The following NOTCH2 variants were observed in gnomAD, a reference collection of about 807,000 sequenced individuals.
The protein encoded by NOTCH2 is notch receptor 2, also known as neurogenic locus notch homolog protein 2.
In NOTCH2, 29 loss-of-function variants were observed where a neutral mutation model predicts 235.8. That is an observed-to-expected ratio of 0.12 (90% CI 0.09 to 0.17). NOTCH2 has a LOEUF of 0.17. NOTCH2 is among the 10% of genes least tolerant of loss of function. NOTCH2 has a pLI of 1.00. For missense variants in NOTCH2, 2,285 were observed against 3,150.2 expected, an observed-to-expected ratio of 0.73 and a Z score of 6.57; for synonymous variants, 1,086 against 1,141.5, an observed-to-expected ratio of 0.95 and a Z score of 0.98.
At chr1:119,985,047 G>C (rs782280104) in intron 5 of NOTCH2, among the ~76,000 whole-genome samples, 1 of 152,170 alleles carries the variant, frequency 6.6e-6, no homozygotes, top group South Asian at 2.1e-4. Flanking sequence ...CAGGAAAACT[G>C]TGAGCAGAGA....
At chr1:119,939,183 C>A (rs1553196140) in intron 19 of NOTCH2, among the ~76,000 whole-genome samples, 1 of 152,076 alleles carries the variant, frequency 6.6e-6, no homozygotes. Flanking sequence ...GCAGCTCTGG[C>A]CAAAAACAGA....
chr1:120,022,890 G>A (rs1265012524), intron 2 of NOTCH2, among the ~76,000 whole-genome samples: 1 of 150,958 alleles, frequency 6.6e-6, no homozygotes, highest in Non-Finnish European at 1.5e-5. Flanking sequence ...GAGACTCAAG[G>A]TGACAGTACA....
intron 14 of NOTCH2, among the ~76,000 whole-genome samples, chr1:119,953,243 A>T (rs1220154806): frequency 6.6e-6 from 1 of 152,076 alleles, no homozygotes. Flanking sequence ...CCCGGGAGGT[A>T]GAGCTTGCAG....
intron 13 of NOTCH2, among the ~76,000 whole-genome samples, 196 bp from the exon 14 acceptor site, chr1:119,953,884 T>A (rs998448341): frequency 2.4e-4 from 37 of 152,176 alleles, no homozygotes; most frequent in Admixed American, 2.2e-3. Context: ...ACCTTCTTGG[T>A]GCTTTCCTGG....
At chr1:120,011,986 A>G (rs1212126745) in intron 2 of NOTCH2, among the ~76,000 whole-genome samples, 1 of 146,480 alleles carries the variant, frequency 6.8e-6, no homozygotes. Flanking sequence ...ACTGCACTCC[A>G]GCCTGGGCGA....
At chr1:119,988,941 G>T (rs1282571969) in intron 4 of NOTCH2, among the ~76,000 whole-genome samples, 2 of 152,182 alleles carry the variant, frequency 1.3e-5, no homozygotes, top group Non-Finnish European at 1.5e-5. Context: ...AGACAAGAAA[G>T]CAGAAGCATT....
intron 12 of NOTCH2, among the ~76,000 whole-genome samples, chr1:119,955,699 G>C (rs1197358235): frequency 6.6e-6 from 1 of 152,094 alleles, no homozygotes; most frequent in Admixed American, 6.5e-5. Flanking sequence ...TTAATGAATG[G>C]GCTAGTAACT....
At position 119,988,408 on chromosome 1, in the gene NOTCH2, C is replaced by G. The variant is rs1399570546; in HGVS notation, c.752-1326G>C. 2.6e-5 allele frequency among the ~76,000 whole-genome samples: 4 copies of G among 152,122 alleles called. No individual in the cohort carries two copies. In the East Asian group the frequency reaches 7.7e-4, roughly 29 times the overall value. ...ATTATATTTCTCCAAGTATTTGGTA[C>G]TCAGTCCATTCAAGCAGATGAATCA... is the stretch of plus-strand genomic sequence containing the variant. On this transcript the variant is annotated intron_variant, in intron 4 of 33. Coordinates refer to ENST00000256646, the MANE Select transcript of NOTCH2 (RefSeq NM_024408.4).
At chr1:119,972,851 A>G (rs1402135889) in intron 5 of NOTCH2, among the ~76,000 whole-genome samples, 1 of 152,204 alleles carries the variant, frequency 6.6e-6, no homozygotes, top group Non-Finnish European at 1.5e-5. Context: ...ACCTGAACAT[A>G]TCAAGCCATC....
intron 32 of NOTCH2, 80 bp from the exon 33 acceptor site, chr1:119,917,842 A>AC (rs1354162672): frequency 1.1e-6 from 1 of 916,724 alleles, no homozygotes; most frequent in Non-Finnish European, 1.8e-6. Flanking sequence ...ATGAAATCTT[A>AC]AACTCCCCAG....
chr1:119,948,279 C>T, intron 17 of NOTCH2, 135 bp downstream of exon 17: 1 of 894,172 alleles, frequency 1.1e-6, no homozygotes, highest in African/African-American at 1.6e-5. Flanking sequence ...TAAAACACTA[C>T]TGTTAAATAT....
chr1:119,963,460 A>C, intron 11 of NOTCH2, 114 bp downstream of exon 11: 1 of 1,001,822 alleles, frequency 1.0e-6, no homozygotes, highest in Non-Finnish European at 1.6e-6. Context: ...TGCTTCTCAG[A>C]ATCAGGACTG....
Position 119,925,586 on chromosome 1 carries a change from G to A in NOTCH2, c.4230C>T (p.Arg1410=). The A allele has an allele frequency of 6.2e-7, 1 of 1,614,170 alleles. No homozygotes were observed. The highest frequency in any genetic ancestry group is 8.5e-7 in the Non-Finnish European group (1 of 1,180,042). The part of the protein sequence containing the change: ...CQCAPPFSGS[R]CELYTAPPST... ...TGGGGGGTGCCGTGTAGAGTTCACA[G>A]CGGCTACCCGAGAATGGTGGGGCAC... The change falls in exon 25 of 34, where the codon CGC becomes CGT. Residue 1410 remains arginine, a synonymous_variant. Transcript: ENST00000256646.
intron 17 of NOTCH2, among the ~76,000 whole-genome samples, chr1:119,942,546 G>C (rs1188585767): frequency 6.6e-6 from 1 of 152,060 alleles, no homozygotes; most frequent in East Asian, 1.9e-4. Flanking sequence ...TCCCTTATAA[G>C]ACTCATCTGC....
intron 2 of NOTCH2, among the ~76,000 whole-genome samples, chr1:120,022,795 G>A (rs1389808848): frequency 6.6e-6 from 1 of 151,610 alleles, no homozygotes; most frequent in African/African-American, 2.4e-5. Context: ...ACTTTCAAAT[G>A]TTCCACACTT....
chr1:119,948,550 A>C lies in NOTCH2; in HGVS notation c.2616T>G (p.Ile872Met). 2 of 1,614,174 alleles carry C rather than the reference A, an allele frequency of 1.2e-6. No individual in the cohort carries two copies. Among genetic ancestry groups the C allele is most frequent in the Non-Finnish European group, 1.7e-6 (2 of 1,180,032 alleles). The change falls in exon 17 of 34, where the codon ATT becomes ATG. Residue 872 changes from isoleucine (I) to methionine (M), a missense_variant. This residue lies in a region of NOTCH2 where 1,173 missense variants were observed against 1,515.3 expected (regional missense o/e 0.77). Transcript: ENST00000256646. The stretch of plus-strand genomic sequence containing the variant: ...GCTTGGAGATACACTCGTCAATGTC[A>C]ATGGTACACCGCTGACCTAGGAACA... ...APGWQGQRCT[I>M]DIDECISKPC...
chr1:119,948,496 G>T lies in NOTCH2; in HGVS notation c.2670C>A (p.Asn890Lys). ...ATTCACACATGTAGCTGCCCTGGGTGTTATGGCAGAGACCATGGTTCATGC... is the reference window on the plus strand; with the variant it reads ...ATTCACACATGTAGCTGCCCTGGGTTTTATGGCAGAGACCATGGTTCATGC... ...KPCMNHGLCH[N>K]TQGSYMCECP... Residue 890 changes from asparagine (N) to lysine (K), a missense_variant, in exon 17 of 34, where the codon AAC (asparagine) becomes AAA (lysine). Transcript: ENST00000256646. 6.2e-7 allele frequency: 1 copy of T among 1,614,184 alleles called. No homozygotes were observed. The highest frequency in any genetic ancestry group is 8.5e-7 in the Non-Finnish European group (1 of 1,180,010).
At chr1:120,068,993 A>G (rs587726299) in intron 1 of NOTCH2, 4 of 1,214,990 alleles carry the variant, frequency 3.3e-6, no homozygotes, top group African/African-American at 3.2e-5. Context: ...CGACCCCAAG[A>G]AACGCGGAAC....
chr1:119,935,662 T>C lies in NOTCH2; in HGVS notation c.3523-58A>G, dbSNP rs5025718. On this transcript the variant is annotated intron_variant, in intron 21 of 33. Coordinates refer to ENST00000256646, the MANE Select transcript of NOTCH2 (RefSeq NM_024408.4). ...TTGGACCATTACTGGAAACAGACCATGAGAGCTAGTGAGATCTGGAACATT... is the reference window on the plus strand; with the variant it reads ...TTGGACCATTACTGGAAACAGACCACGAGAGCTAGTGAGATCTGGAACATT... The C allele has an allele frequency of 0.83, 1,312,847 of 1,589,842 alleles. 561,008 individuals carry two copies. Among genetic ancestry groups the C allele is most frequent in the East Asian group, 0.93 (41,532 of 44,742 alleles).
Sources: allele counts gnomAD v4.1 joint callset (sites outside exome capture counted in the v4.1 genomes callset), GRCh38; gene constraint gnomAD v4.1.1; regional missense constraint gnomAD v4.1.1; transcripts MANE v1.5; gene names NCBI Gene and HGNC (gene_info 2026-07-23, HGNC 2026-07-21).